The following MKRN2 variants were observed in gnomAD, a reference collection of about 807,000 sequenced individuals.
The protein encoded by MKRN2 is makorin ring finger protein 2, also known as E3 ubiquitin-protein ligase makorin-2.
In MKRN2, 32 loss-of-function variants were observed where a neutral mutation model predicts 45.4. The observed-to-expected ratio is 0.70, with a 90% confidence interval of 0.53 to 0.95. MKRN2 has a LOEUF of 0.95. Among genes scored for constraint, MKRN2 ranks in the 40% least tolerant of loss-of-function variants. MKRN2 has a pLI of 0.00. For synonymous variants in MKRN2, 206 were observed against 192.4 expected, an observed-to-expected ratio of 1.07 and a Z score of -0.59; for missense variants, 526 against 536.7, an observed-to-expected ratio of 0.98 and a Z score of 0.20.
In MKRN2 at chr3:12,574,980, C is replaced by T. The variant is rs2058122293; in HGVS notation, c.831C>T (p.Ala277=). The change falls in exon 5 of 8, where the codon GCC becomes GCT. Residue 277 remains alanine, a synonymous_variant. Coordinates refer to ENST00000170447, the MANE Select transcript of MKRN2 (RefSeq NM_014160.5). ...CCTGCATCCGGCAGTGGCGGTGTGC[C>T]AAACAGTTTGAAAACCCAATCATTA... ...CLSCIRQWRC[A]KQFENPIIKS... The T allele has an allele frequency of 2.5e-6, 4 of 1,614,160 alleles. No individual in the cohort carries two copies. Among genetic ancestry groups the T allele is most frequent in the South Asian group, 1.1e-5 (1 of 91,076 alleles).
At chr3:12,576,199 GTGT>G (rs2058135319) in intron 5 of MKRN2, among the ~76,000 whole-genome samples, 1 of 143,890 alleles carries the variant, frequency 6.9e-6, no homozygotes, top group Non-Finnish European at 1.5e-5. Context: ...ATGTGTGTGT[GTGT>G]GTGTGTGTGT....
intron 1 of MKRN2, among the ~76,000 whole-genome samples, chr3:12,563,901 C>T (rs1290756895): frequency 1.3e-5 from 2 of 150,266 alleles, no homozygotes; most frequent in South Asian, 2.1e-4. Flanking sequence ...GTGAATAATG[C>T]TGGTATGAAC....
At chr3:12,559,362 G>A (rs2058016073) in intron 1 of MKRN2, among the ~76,000 whole-genome samples, 2 of 152,092 alleles carry the variant, frequency 1.3e-5, no homozygotes, top group South Asian at 4.1e-4. Context: ...ATAATTTATA[G>A]GAAATGTTCA....
rs1553609012 is a variant in MKRN2 at position 12,580,448 on chromosome 3, A to AC, written c.969-1353dup. Reference sequence around the variant, plus strand: ...AGCTTGTTCTCTCTCCCCCCACCCTACCCCCCCGCCACCACCCCCAGTGAG... The same window carrying AC: ...AGCTTGTTCTCTCTCCCCCCACCCTACCCCCCCCGCCACCACCCCCAGTGAG... On this transcript the variant is annotated intron_variant, in intron 6 of 7. Coordinates refer to ENST00000170447, the MANE Select transcript of MKRN2 (RefSeq NM_014160.5). 2.7e-3 allele frequency among the ~76,000 whole-genome samples: 154 copies of AC among 57,176 alleles called. 1 individual carries two copies. Among genetic ancestry groups the AC allele is most frequent in the Middle Eastern group, 0.017 (2 of 120 alleles). The allele number at this position is 57,176 out of a possible 152,430, so 37.5% of individuals were successfully genotyped here.
chr3:12,581,347 A>G (rs1203459955), intron 6 of MKRN2, among the ~76,000 whole-genome samples: 1 of 152,150 alleles, frequency 6.6e-6, no homozygotes, highest in African/African-American at 2.4e-5. Flanking sequence ...CTTTCCCTGT[A>G]GCCACCTTGA....
chr3:12,565,524 C>CTTTTTTTTT lies in MKRN2; in HGVS notation c.27-3332_27-3324dup, dbSNP rs10598451. Among the ~76,000 whole-genome samples the CTTTTTTTTT allele has an allele frequency of 2.2e-5, 2 of 91,960 alleles. 1 individual carries two copies. The highest frequency in any genetic ancestry group is 3.9e-5 in the Non-Finnish European group (2 of 50,702). 60.3% of individuals were successfully genotyped at this position (91,960 alleles called of 152,430 possible). A position where few individuals can be genotyped will look rare whatever the true frequency, so the allele number is the denominator to read the frequency against. On this transcript the variant is annotated intron_variant, in intron 1 of 7. Transcript: ENST00000170447. ...TGAAAAGATTCTTTCCCCAACTTAC[C>CTTTTTTTTT]TTTTTTTTTTTTTTTTTTTTTTTTT...
At chr3:12,562,982 C>A (rs2058048582) in intron 1 of MKRN2, among the ~76,000 whole-genome samples, 1 of 152,148 alleles carries the variant, frequency 6.6e-6, no homozygotes, top group Non-Finnish European at 1.5e-5. Context: ...AACCATCCCC[C>A]ATCCCCCCAT....
At chr3:12,562,955 T>G in intron 1 of MKRN2, among the ~76,000 whole-genome samples, 1 of 152,156 alleles carries the variant, frequency 6.6e-6, no homozygotes, top group Admixed American at 6.6e-5. Context: ...AAATGTAATG[T>G]GCTTGAATCA....
intron 5 of MKRN2, among the ~76,000 whole-genome samples, chr3:12,575,725 C>G (rs2058130575): frequency 1.3e-5 from 2 of 152,200 alleles, no homozygotes; most frequent in Admixed American, 6.5e-5. Context: ...CGCTTTCTGT[C>G]TCTACAGAGT....
intron 1 of MKRN2, among the ~76,000 whole-genome samples, chr3:12,562,582 A>G (rs1399682753): frequency 2.6e-5 from 4 of 152,140 alleles, no homozygotes; most frequent in Admixed American, 6.6e-5. Context: ...CAACCAGTCT[A>G]TGGCCTTTTA....
At chr3:12,560,020 G>C (rs1025201463) in intron 1 of MKRN2, among the ~76,000 whole-genome samples, 1 of 152,214 alleles carries the variant, frequency 6.6e-6, no homozygotes, top group Non-Finnish European at 1.5e-5. Context: ...GGGTTGGGCA[G>C]TTCTGGATTC....
intron 1 of MKRN2, among the ~76,000 whole-genome samples, chr3:12,565,272 G>A (rs111677937): frequency 0.055 from 8,334 of 152,202 alleles, 326 homozygotes; most frequent in Non-Finnish European, 0.084. Flanking sequence ...CCCACGTACA[G>A]CCTCTTTTGT....
chr3:12,578,312 CTTT>C (rs71063833), intron 6 of MKRN2, among the ~76,000 whole-genome samples: 22 of 71,750 alleles, frequency 3.1e-4, no homozygotes, highest in South Asian at 5.6e-4. Flanking sequence ...AGAGCTACTT[CTTT>C]TTTTTTTTTT....
intron 1 of MKRN2, among the ~76,000 whole-genome samples, chr3:12,567,067 T>G (rs952955758): frequency 6.6e-6 from 1 of 152,204 alleles, no homozygotes; most frequent in African/African-American, 2.4e-5. Flanking sequence ...TGGTTATAGG[T>G]CACATTATTT....
chr3:12,563,588 C>G (rs1314446893), intron 1 of MKRN2, among the ~76,000 whole-genome samples: 1 of 146,738 alleles, frequency 6.8e-6, no homozygotes, highest in Non-Finnish European at 1.5e-5. Context: ...CTCCTGAGTT[C>G]AAGCGATTCT....
intron 1 of MKRN2, among the ~76,000 whole-genome samples, chr3:12,559,650 G>C (rs143131513): frequency 6.6e-6 from 1 of 152,078 alleles, no homozygotes; most frequent in Non-Finnish European, 1.5e-5. Context: ...TGCCTGGAGT[G>C]GTAAAAATGA....
chr3:12,560,348 G>A (rs774622512), intron 1 of MKRN2, among the ~76,000 whole-genome samples: 2 of 151,834 alleles, frequency 1.3e-5, no homozygotes, highest in African/African-American at 2.4e-5. Flanking sequence ...TTTCATTCCC[G>A]CCTCTAATCA....
At chr3:12,565,201 C>A (rs1392903681) in intron 1 of MKRN2, among the ~76,000 whole-genome samples, 2 of 152,208 alleles carry the variant, frequency 1.3e-5, no homozygotes, top group African/African-American at 4.8e-5. Flanking sequence ...AACTGTCAAA[C>A]TGTCTTCCAA....
Position 12,582,014 on chromosome 3 carries a change from G to A in MKRN2, c.1113+62G>A, listed in dbSNP as rs546844459. 179 of 1,609,142 alleles carry A rather than the reference G, an allele frequency of 1.1e-4. No homozygotes were observed. The African/African-American group carries it at 1.5e-3, about 13-fold the overall frequency. ...GCAGCTGTGGGCATTTCCAGGTACCGTTCCTGGCAGAGAAATGGGGTAGGC... is the reference window on the plus strand; with the variant it reads ...GCAGCTGTGGGCATTTCCAGGTACCATTCCTGGCAGAGAAATGGGGTAGGC... On this transcript the variant is annotated intron_variant, in intron 7 of 7. Transcript: ENST00000170447.
Sources: allele counts gnomAD v4.1 joint callset (sites outside exome capture counted in the v4.1 genomes callset), GRCh38; gene constraint gnomAD v4.1.1; transcripts MANE v1.5; gene names NCBI Gene and HGNC (gene_info 2026-07-23, HGNC 2026-07-21).